Variants in MPPED2 observed in about 807,000 individuals in gnomAD.
MPPED2 encodes metallophosphoesterase domain containing 2.
MPPED2 carries 5 observed loss-of-function variants against 33.0 expected under a neutral mutation model. The ratio of observed to expected loss-of-function variants is 0.15; its 90% CI spans 0.08 to 0.32. The LOEUF (loss-of-function observed/expected upper bound fraction) is 0.32, where lower values mean the gene tolerates loss of function less well. Ranked by LOEUF, MPPED2 falls within the 10% of genes least tolerant of loss-of-function variation. The pLI is 1.00. For missense variants in MPPED2, 275 were observed against 372.1 expected (o/e 0.74, Z 2.15); for synonymous variants, 136 against 141.9 (o/e 0.96, Z 0.29).
intron 3 of MPPED2, among the ~76,000 whole-genome samples, chr11:30,523,988 T>C (rs1371541092): frequency 1.3e-5 from 2 of 152,066 alleles, no homozygotes; most frequent in African/African-American, 4.8e-5. Flanking sequence ...CGGTGGCTCA[T>C]GCCTGTAATC....
chr11:30,401,751 C>A (rs1284647872), intron 6 of MPPED2, among the ~76,000 whole-genome samples: 1 of 152,216 alleles, frequency 6.6e-6, no homozygotes, highest in African/African-American at 2.4e-5. Context: ...GTGGCACAAT[C>A]TCAGCTCACT....
intron 4 of MPPED2, among the ~76,000 whole-genome samples, chr11:30,442,062 A>C (rs1949597437): frequency 6.6e-6 from 1 of 152,242 alleles, no homozygotes. Context: ...CAGAAGGAGC[A>C]TTTTGTATCT....
At chr11:30,403,211 C>A (rs1287796349) in intron 6 of MPPED2, among the ~76,000 whole-genome samples, 2 of 148,620 alleles carry the variant, frequency 1.3e-5, no homozygotes, top group African/African-American at 4.9e-5. Flanking sequence ...CGCGCCACTG[C>A]ACTCCAGCCT....
chr11:30,537,991 GT>G (rs1954902285), intron 2 of MPPED2, among the ~76,000 whole-genome samples: 1 of 152,036 alleles, frequency 6.6e-6, no homozygotes. Context: ...TTGAAAAGTA[GT>G]TTTCCCAGAG....
At chr11:30,449,160 G>A (rs1339434484) in intron 4 of MPPED2, among the ~76,000 whole-genome samples, 1 of 149,398 alleles carries the variant, frequency 6.7e-6, no homozygotes, top group Non-Finnish European at 1.5e-5. Context: ...CTGGAACATG[G>A]TAGTTGCTCA....
At chr11:30,553,590 A>G (rs2134647704) in intron 2 of MPPED2, among the ~76,000 whole-genome samples, 1 of 152,328 alleles carries the variant, frequency 6.6e-6, no homozygotes, top group Non-Finnish European at 1.5e-5. Flanking sequence ...AGTAGCTGGA[A>G]TTTTGAAAAT....
intron 4 of MPPED2, among the ~76,000 whole-genome samples, chr11:30,473,766 C>G (rs1310770371): frequency 1.3e-5 from 2 of 152,202 alleles, no homozygotes; most frequent in East Asian, 3.9e-4. Context: ...ATGTTGTGAG[C>G]TGCCCTGTGG....
chr11:30,466,533 C>G (rs755528109), intron 4 of MPPED2, among the ~76,000 whole-genome samples: 1 of 152,106 alleles, frequency 6.6e-6, no homozygotes, highest in Non-Finnish European at 1.5e-5. Flanking sequence ...TCGCTGGACC[C>G]TAGATGGCAG....
chr11:30,501,386 C>A (rs1590603018), intron 3 of MPPED2, among the ~76,000 whole-genome samples: 1 of 152,318 alleles, frequency 6.6e-6, no homozygotes, highest in African/African-American at 2.4e-5. Context: ...GGCCAATAAG[C>A]ATTTGGATCT....
At chr11:30,538,022 C>T (rs949106038) in intron 2 of MPPED2, among the ~76,000 whole-genome samples, 1 of 152,110 alleles carries the variant, frequency 6.6e-6, no homozygotes, top group Admixed American at 6.5e-5. Context: ...CTGTTCCCTG[C>T]TGGGGCTGAC....
At chr11:30,517,079 G>A (rs181808170) in intron 3 of MPPED2, among the ~76,000 whole-genome samples, 1 of 152,124 alleles carries the variant, frequency 6.6e-6, no homozygotes, top group Non-Finnish European at 1.5e-5. Flanking sequence ...ATTTTAAATT[G>A]AATTACACAG....
At chr11:30,445,587 C>T (rs139551805) in intron 4 of MPPED2, among the ~76,000 whole-genome samples, 2 of 152,282 alleles carry the variant, frequency 1.3e-5, no homozygotes, top group African/African-American at 4.8e-5. Flanking sequence ...CTTCCCAAAC[C>T]GAAACTACGC....
At chr11:30,386,644 C>A in exon 7 of MPPED2, 1 of 398,352 alleles carries the variant, frequency 2.5e-6, no homozygotes, top group South Asian at 1.3e-4. Context: ...AGCTGGGGTT[C>A]AGAATTTGGA....
rs180832813 is a variant in MPPED2 at position 30,467,103 on chromosome 11, G to A, written c.536+28193C>T. ...GTGCCCCTTTGCCTCAGGGGTGTTT[G>A]TATGTGATGGTTTAAACAGAAGTTG... is the stretch of plus-strand genomic sequence containing the variant. On this transcript the variant is annotated intron_variant, in intron 4 of 6. Coordinates refer to ENST00000358117, the MANE Select transcript of MPPED2 (RefSeq NM_001584.3). Among the ~76,000 whole-genome samples, 223 of 152,262 alleles carry A rather than the reference G, an allele frequency of 1.5e-3. 1 individual carries two copies. The highest frequency in any genetic ancestry group is 5.2e-3 in the African/African-American group (214 of 41,552).
chr11:30,556,781 T>C (rs1955983038), intron 2 of MPPED2, among the ~76,000 whole-genome samples: 1 of 152,234 alleles, frequency 6.6e-6, no homozygotes, highest in African/African-American at 2.4e-5. Context: ...GTAGCCATAT[T>C]ATTTATTATC....
intron 4 of MPPED2, among the ~76,000 whole-genome samples, chr11:30,448,750 C>A (rs1299450670): frequency 1.3e-5 from 2 of 151,438 alleles, no homozygotes; most frequent in African/African-American, 4.9e-5. Context: ...TCTTGGCTCA[C>A]CGCAACCTCC....
chr11:30,387,224 C>T (rs1947714448), exon 7 of MPPED2: 1 of 154,932 alleles, frequency 6.5e-6, no homozygotes, highest in Non-Finnish European at 1.4e-5. Flanking sequence ...ACAACATCCC[C>T]ATGGCTGAAA....
intron 4 of MPPED2, among the ~76,000 whole-genome samples, chr11:30,451,263 T>G (rs1403196427): frequency 6.6e-6 from 1 of 152,216 alleles, no homozygotes; most frequent in Non-Finnish European, 1.5e-5. Flanking sequence ...CCTTTTGGGC[T>G]TCCCTTCTTC....
rs1564917699 is a variant in MPPED2 at position 30,580,497 on chromosome 11, G to GA, written c.-121-4dup. 2 of 1,378,838 alleles carry GA rather than the reference G, an allele frequency of 1.5e-6. No individual in the cohort carries two copies. Among genetic ancestry groups the GA allele is most frequent in the Non-Finnish European group, 9.4e-7 (1 of 1,059,154 alleles). 85.4% of individuals were successfully genotyped at this position (1,378,838 alleles called of 1,614,324 possible). A position where few individuals can be genotyped will look rare whatever the true frequency, so the allele number is the denominator to read the frequency against. On this transcript the variant is annotated splice_polypyrimidine_tract_variant and splice_region_variant and intron_variant, in intron 1 of 6. Coordinates refer to ENST00000358117, the MANE Select transcript of MPPED2 (RefSeq NM_001584.3). ...CTCATCAATACCGCTGTGCATTTCT[G>GA]AAAGAAAAAAAAAATGTATATAAAA...
Sources: gnomAD v4.1 joint callset for allele counts (sites outside exome capture counted in the v4.1 genomes callset) on GRCh38, gnomAD v4.1.1 for gene constraint, MANE v1.5 for transcripts, NCBI Gene and HGNC (gene_info 2026-07-23, HGNC 2026-07-21) for gene names.